Variants in DPYD observed in about 807,000 individuals in gnomAD.
DPYD encodes dihydropyrimidine dehydrogenase.
A neutral mutation model predicts 116.2 loss-of-function variants in DPYD; 109 were observed. That is an observed-to-expected ratio of 0.94 (90% CI 0.80 to 1.10). DPYD has a LOEUF of 1.10. Ranked by LOEUF, DPYD falls within the 50% of genes least tolerant of loss-of-function variation. The pLI is 0.00. For synonymous variants in DPYD, 440 were observed against 432.0 expected, an observed-to-expected ratio of 1.02 and a Z score of -0.23; for missense variants, 1,302 against 1,254.5, an observed-to-expected ratio of 1.04 and a Z score of -0.57.
At chr1:97,813,292 A>C (rs1668421519) in intron 3 of DPYD, among the ~76,000 whole-genome samples, 1 of 152,114 alleles carries the variant, frequency 6.6e-6, no homozygotes, top group South Asian at 2.1e-4. Context: ...TTTAAATTTC[A>C]ACCCAATTCT....
At chr1:97,331,964 T>C (rs114632211) in intron 16 of DPYD, among the ~76,000 whole-genome samples, 1,842 of 152,288 alleles carry the variant, frequency 0.012, 29 homozygotes, top group African/African-American at 0.039. Context: ...TCCAGAAACT[T>C]TTACCTTAGA....
intron 10 of DPYD, among the ~76,000 whole-genome samples, chr1:97,582,108 T>C (rs185787252): frequency 1.3e-5 from 2 of 152,206 alleles, no homozygotes; most frequent in African/African-American, 2.4e-5. Flanking sequence ...TTAGGGGGCA[T>C]AGATCACTAT....
chr1:97,204,970 C>T (rs1461619452), intron 19 of DPYD, among the ~76,000 whole-genome samples: 1 of 151,862 alleles, frequency 6.6e-6, no homozygotes, highest in East Asian at 1.9e-4. Flanking sequence ...CCCTTTTGGC[C>T]TCCAACTTTA....
chr1:97,341,475 C>G (rs1230529977), intron 16 of DPYD, among the ~76,000 whole-genome samples: 3 of 152,126 alleles, frequency 2.0e-5, no homozygotes, highest in Non-Finnish European at 2.9e-5. Flanking sequence ...ACAGGATATA[C>G]ATAGGAACCC....
chr1:97,253,611 T>C (rs2100820078), intron 18 of DPYD, among the ~76,000 whole-genome samples: 1 of 152,238 alleles, frequency 6.6e-6, no homozygotes, highest in Middle Eastern at 3.4e-3. Flanking sequence ...CCCATCACTA[T>C]TAGCATTTAA....
At chr1:97,399,174 G>C (rs1673199941) in intron 14 of DPYD, among the ~76,000 whole-genome samples, 1 of 152,194 alleles carries the variant, frequency 6.6e-6, no homozygotes, top group Non-Finnish European at 1.5e-5. Context: ...TGGCTAGCCA[G>C]TTTTCCCAGC....
chr1:97,229,568 A>C (rs1334598054), intron 19 of DPYD, among the ~76,000 whole-genome samples: 2 of 132,730 alleles, frequency 1.5e-5, no homozygotes, highest in Admixed American at 1.5e-4. Context: ...ATATATATAT[A>C]TATATATATA....
chr1:97,123,148 G>T (rs1313995825), intron 20 of DPYD, among the ~76,000 whole-genome samples: 1 of 152,060 alleles, frequency 6.6e-6, no homozygotes, highest in Non-Finnish European at 1.5e-5. Flanking sequence ...ATGAAACATA[G>T]GCTGAAAATC....
intron 15 of DPYD, 136 bp from the exon 16 acceptor site, chr1:97,373,780 G>T: frequency 1.4e-6 from 1 of 729,404 alleles, no homozygotes; most frequent in South Asian, 1.6e-5. Flanking sequence ...ATCTTGTGAG[G>T]TATAGTCTCT....
At chr1:97,568,503 C>T (rs1025362183) in intron 11 of DPYD, among the ~76,000 whole-genome samples, 6 of 151,912 alleles carry the variant, frequency 3.9e-5, no homozygotes, top group Admixed American at 6.6e-5. Flanking sequence ...CTCATTAAGA[C>T]GATGAAGTTA....
At chr1:97,380,741 A>C (rs1307724137) in intron 15 of DPYD, among the ~76,000 whole-genome samples, 1 of 152,194 alleles carries the variant, frequency 6.6e-6, no homozygotes, top group Non-Finnish European at 1.5e-5. Context: ...TGTATATGTT[A>C]GGTAGTACAG....
chr1:97,409,937 G>T (rs1272492437), intron 14 of DPYD, among the ~76,000 whole-genome samples: 1 of 151,996 alleles, frequency 6.6e-6, no homozygotes, highest in Non-Finnish European at 1.5e-5. Context: ...AATTAGCTGG[G>T]TATGGTGGTG....
At chr1:97,086,766 T>C (rs77936086) in intron 21 of DPYD, among the ~76,000 whole-genome samples, 6 of 149,674 alleles carry the variant, frequency 4.0e-5, no homozygotes, top group African/African-American at 1.2e-4. Flanking sequence ...AAAAAAAAAA[T>C]CATAAGATAA....
chr1:97,810,965 T>C (rs966068284), intron 3 of DPYD, among the ~76,000 whole-genome samples: 2 of 152,214 alleles, frequency 1.3e-5, no homozygotes, highest in African/African-American at 4.8e-5. Context: ...CCCTCTGCGT[T>C]TTTCATATTG....
chr1:97,154,706 CAAAA>C (rs35900828), intron 20 of DPYD, among the ~76,000 whole-genome samples: 1 of 122,914 alleles, frequency 8.1e-6, no homozygotes, highest in Non-Finnish European at 1.7e-5. Context: ...GACTCCATCT[CAAAA>C]AAAAAAAAAA....
intron 20 of DPYD, among the ~76,000 whole-genome samples, chr1:97,158,976 G>A (rs1455883124): frequency 3.3e-5 from 5 of 152,098 alleles, no homozygotes; most frequent in Non-Finnish European, 5.9e-5. Context: ...GGACTCTTAG[G>A]TGTGGAGAGT....
intron 2 of DPYD, among the ~76,000 whole-genome samples, chr1:97,876,861 G>A (rs10747492): frequency 0.74 from 112,859 of 151,896 alleles, 42,288 homozygotes; most frequent in East Asian, 0.93. Context: ...TGGGTGATAA[G>A]TTAAAAGTAA....
intron 5 of DPYD, among the ~76,000 whole-genome samples, chr1:97,701,213 A>G (rs576459795): frequency 7.4e-5 from 11 of 148,120 alleles, no homozygotes; most frequent in Admixed American, 3.4e-4. Flanking sequence ...ATATATATGA[A>G]ATATATATAT....
At chr1:97,540,195 C>A (rs1410997373) in intron 12 of DPYD, among the ~76,000 whole-genome samples, 1 of 151,804 alleles carries the variant, frequency 6.6e-6, no homozygotes, top group Non-Finnish European at 1.5e-5. Context: ...CCCCCTACCA[C>A]TTCAAATGCC....
Sources: gnomAD v4.1 joint callset for allele counts (sites outside exome capture counted in the v4.1 genomes callset) on GRCh38, gnomAD v4.1.1 for gene constraint, MANE v1.5 for transcripts, NCBI Gene and HGNC (gene_info 2026-07-23, HGNC 2026-07-21) for gene names.